Variants in RANBP2 observed in about 807,000 individuals in gnomAD.
RANBP2 encodes RAN binding protein 2, also known as E3 SUMO-protein ligase RanBP2.
RANBP2 carries 57 observed loss-of-function variants against 303.6 expected under a neutral mutation model. The ratio of observed to expected loss-of-function variants is 0.19; its 90% confidence interval spans 0.15 to 0.23. The LOEUF (loss-of-function observed/expected upper bound fraction) is 0.23. RANBP2 is among the 10% of genes least tolerant of loss of function. The pLI, the probability that RANBP2 is intolerant of heterozygous loss-of-function variation, is 1.00. For missense variants in RANBP2, 3,138 were observed against 3,780.8 expected (o/e 0.83, Z 4.46); for synonymous variants, 1,167 against 1,301.5 (o/e 0.90, Z 2.23).
chr2:108,815,979 C>T, the RANBP2 span: 5 of 1,613,192 alleles, frequency 3.1e-6, no homozygotes, highest in Non-Finnish European at 4.2e-6. Flanking sequence ...TTTTAACTGT[C>T]TTCATGGACT....
chr2:109,528,693 G>A, the RANBP2 span, among the ~76,000 whole-genome samples: 36 of 152,306 alleles, frequency 2.4e-4, no homozygotes, highest in East Asian at 5.8e-4. Context: ...GAGCAGAGGC[G>A]TCCTGCAGAT....
the RANBP2 span, among the ~76,000 whole-genome samples, chr2:108,867,934 T>A: frequency 1.3e-5 from 2 of 152,182 alleles, no homozygotes; most frequent in African/African-American, 2.4e-5. Flanking sequence ...AAAAATAATT[T>A]TATTCTGATT....
At chr2:108,880,317 C>G in the RANBP2 span, among the ~76,000 whole-genome samples, 1 of 152,022 alleles carries the variant, frequency 6.6e-6, no homozygotes, top group Non-Finnish European at 1.5e-5. Flanking sequence ...TAGGAAGACT[C>G]AATATTGTTA....
chr2:109,440,176 G>GTCCAGTGTGTAGATGACAGT, the RANBP2 span, among the ~76,000 whole-genome samples: 1 of 152,216 alleles, frequency 6.6e-6, no homozygotes, highest in Admixed American at 6.5e-5. Flanking sequence ...AGAAGGAGAA[G>GTCCAGTGTGTAGATGACAGT]TCCAGTGTGT....
chr2:108,974,408 T>G, the RANBP2 span, among the ~76,000 whole-genome samples: 1 of 150,900 alleles, frequency 6.6e-6, no homozygotes, highest in African/African-American at 2.4e-5. Context: ...GTACCCTGTT[T>G]ATGAACATTA....
chr2:109,264,548 GC>G, the RANBP2 span, among the ~76,000 whole-genome samples: 5 of 152,266 alleles, frequency 3.3e-5, no homozygotes, highest in African/African-American at 1.2e-4. Context: ...CAGGGCCAAA[GC>G]CAGGCTTTTT....
chr2:109,511,767 C>T, the RANBP2 span, among the ~76,000 whole-genome samples: 1 of 152,172 alleles, frequency 6.6e-6, no homozygotes, highest in South Asian at 2.1e-4. Flanking sequence ...TTGTCCACAC[C>T]CTCCCTGCAT....
chr2:109,321,125 C>T, the RANBP2 span, among the ~76,000 whole-genome samples: 42 of 152,328 alleles, frequency 2.8e-4, no homozygotes, highest in Admixed American at 5.2e-4. Flanking sequence ...GAAAGACTCA[C>T]GGACACACAA....
chr2:109,130,019 C>T, the RANBP2 span: 1 of 1,318,110 alleles, frequency 7.6e-7, no homozygotes, highest in South Asian at 2.1e-5. Flanking sequence ...GCAGGCAGCA[C>T]CCCGGGTTCC....
chr2:108,846,747 A>ATT, the RANBP2 span: 1 of 1,608,270 alleles, frequency 6.2e-7, no homozygotes, highest in African/African-American at 1.3e-5. Flanking sequence ...GCACTCGACT[A>ATT]TGACATCAAC....
At chr2:109,449,362 C>A in the RANBP2 span, 1 of 1,609,120 alleles carries the variant, frequency 6.2e-7, no homozygotes, top group Non-Finnish European at 8.5e-7. Context: ...GCAGCATCAG[C>A]CATCACACCT....
chr2:109,599,451 C>T, the RANBP2 span, among the ~76,000 whole-genome samples: 1 of 127,770 alleles, frequency 7.8e-6, no homozygotes, highest in South Asian at 2.5e-4. Flanking sequence ...GAGCAAGACT[C>T]AGTCTCCAAA....
the RANBP2 span, among the ~76,000 whole-genome samples, chr2:109,248,279 A>G: frequency 6.6e-6 from 1 of 151,920 alleles, no homozygotes; most frequent in Non-Finnish European, 1.5e-5. Context: ...TTCTTTTCTG[A>G]TGTGCTCATT....
the RANBP2 span, among the ~76,000 whole-genome samples, chr2:109,513,935 G>A: frequency 6.6e-6 from 1 of 152,200 alleles, no homozygotes; most frequent in African/African-American, 2.4e-5. Flanking sequence ...AATCCTAGAA[G>A]AGCAAGCAGC....
chr2:108,975,543 G>A, the RANBP2 span, among the ~76,000 whole-genome samples: 1 of 152,306 alleles, frequency 6.6e-6, no homozygotes, highest in East Asian at 1.9e-4. Flanking sequence ...AGAAGAGGTG[G>A]GTGGGTGGAC....
At chr2:109,169,394 A>G in the RANBP2 span, among the ~76,000 whole-genome samples, 2 of 152,104 alleles carry the variant, frequency 1.3e-5, no homozygotes, top group African/African-American at 2.4e-5. Context: ...GATGGTGATG[A>G]TGTGGCTGAT....
At chr2:109,500,119 G>T in the RANBP2 span, among the ~76,000 whole-genome samples, 1 of 152,186 alleles carries the variant, frequency 6.6e-6, no homozygotes, top group Admixed American at 6.5e-5. Flanking sequence ...GATTCTTTTG[G>T]CTGCCGTGAG....
At chr2:109,458,896 A>G in the RANBP2 span, among the ~76,000 whole-genome samples, 1 of 152,222 alleles carries the variant, frequency 6.6e-6, no homozygotes, top group Non-Finnish European at 1.5e-5. Flanking sequence ...GTGTTTGCTC[A>G]AACAACTGGG....
the RANBP2 span, among the ~76,000 whole-genome samples, chr2:109,760,894 C>T: frequency 1.2e-5 from 1 of 85,002 alleles, no homozygotes; most frequent in East Asian, 4.3e-4. Flanking sequence ...TGGGGTGGGT[C>T]GGGGGCGCCT....
Sources: allele counts gnomAD v4.1 joint callset (sites outside exome capture counted in the v4.1 genomes callset), GRCh38; gene constraint gnomAD v4.1.1; transcripts MANE v1.5; gene names NCBI Gene and HGNC (gene_info 2026-07-23, HGNC 2026-07-21).